Variants in PIK3C3 observed in about 807,000 individuals in gnomAD.
PIK3C3 encodes the protein PI3-kinase type 3.
In PIK3C3, 95 loss-of-function variants were observed where a neutral mutation model predicts 126.1. That is an observed-to-expected ratio of 0.75 (90% CI 0.64 to 0.89). The LOEUF (loss-of-function observed/expected upper bound fraction) is 0.89. Ranked by LOEUF, PIK3C3 falls within the 40% of genes least tolerant of loss-of-function variation. The probability of loss-of-function intolerance (pLI) is 0.00; values close to 1 mark genes in which losing one functional copy is unlikely to be tolerated. For missense variants in PIK3C3, 829 were observed against 1,063.2 expected, an observed-to-expected ratio of 0.78 and a Z score of 3.06; for synonymous variants, 374 against 360.0, an observed-to-expected ratio of 1.04 and a Z score of -0.44.
At chr18:42,031,909 C>T (rs913852728) in intron 15 of PIK3C3, among the ~76,000 whole-genome samples, 2 of 152,154 alleles carry the variant, frequency 1.3e-5, no homozygotes, top group African/African-American at 4.8e-5. Context: ...ATATAAAAAT[C>T]TCTTCCTCTA....
At position 41,990,594 on chromosome 18, in the gene PIK3C3, G is replaced by A. The variant is rs1440878096; in HGVS notation, c.714+40G>A. 3.8e-6 allele frequency: 4 copies of A among 1,049,002 alleles called. No individual in the cohort carries two copies. The African/African-American group carries it at 4.8e-5, about 13-fold the overall frequency. 65.0% of individuals were successfully genotyped at this position (1,049,002 alleles called of 1,614,324 possible). A position where few individuals can be genotyped will look rare whatever the true frequency, so the allele number is the denominator to read the frequency against. Reference sequence around the variant, plus strand: ...ACTGTTTTTGGTCTCTAAAGTAGAGGGGAGAGGAAACATTAAAAAAATATT... The same window carrying A: ...ACTGTTTTTGGTCTCTAAAGTAGAGAGGAGAGGAAACATTAAAAAAATATT... On this transcript the variant is annotated intron_variant, in intron 6 of 24. Transcript: ENST00000262039.
intron 24 of PIK3C3, among the ~76,000 whole-genome samples, chr18:42,078,827 A>G (rs1425525200): frequency 2.0e-5 from 3 of 152,088 alleles, no homozygotes; most frequent in South Asian, 4.2e-4. Context: ...TCATCAACCA[A>G]CCTCTGCTAC....
At chr18:42,004,276 C>A in intron 9 of PIK3C3, 80 bp from the exon 10 acceptor site, 2 of 1,029,296 alleles carry the variant, frequency 1.9e-6, no homozygotes, top group Non-Finnish European at 2.9e-6. Flanking sequence ...GTCATTAGGA[C>A]CTAGTGGAAC....
chr18:42,006,251 G>A (rs1982536026), intron 10 of PIK3C3, among the ~76,000 whole-genome samples: 1 of 148,298 alleles, frequency 6.7e-6, no homozygotes, highest in Non-Finnish European at 1.5e-5. Flanking sequence ...CTGAGCACAG[G>A]AGCTTCTGTC....
intron 6 of PIK3C3, among the ~76,000 whole-genome samples, chr18:41,992,706 A>G: frequency 6.6e-6 from 1 of 152,170 alleles, no homozygotes; most frequent in Non-Finnish European, 1.5e-5. Flanking sequence ...TTATTATTCA[A>G]GTTTAGATTA....
chr18:41,990,514 A>C lies in PIK3C3; in HGVS notation c.674A>C (p.Lys225Thr). The change falls in exon 6 of 25, where the codon AAG becomes ACG. Residue 225 changes from lysine to threonine, a missense_variant. Coordinates refer to ENST00000262039, the MANE Select transcript of PIK3C3 (RefSeq NM_002647.4). Reference protein sequence around the residue: ...MYLMVEFRCVKCDDKEYGIVY... With the variant: ...MYLMVEFRCVTCDDKEYGIVY... ...CTGATGGTTGAATTTCGATGTGTCA[A>C]GTGTGATGATAAGGAATATGGTATT... is the stretch of plus-strand genomic sequence containing the variant. 2 of 1,604,538 alleles carry C rather than the reference A, an allele frequency of 1.2e-6. No individual in the cohort carries two copies. The highest frequency in any genetic ancestry group is 1.1e-5 in the South Asian group (1 of 90,852).
At chr18:41,998,166 G>A (rs1329503984) in intron 9 of PIK3C3, among the ~76,000 whole-genome samples, 1 of 152,096 alleles carries the variant, frequency 6.6e-6, no homozygotes. Context: ...CTTTGTAAAT[G>A]AATCATATTT....
intron 3 of PIK3C3, among the ~76,000 whole-genome samples, chr18:41,966,680 A>T (rs984437461): frequency 6.6e-6 from 1 of 152,212 alleles, no homozygotes; most frequent in Admixed American, 6.5e-5. Flanking sequence ...AATACAAATG[A>T]TATGAAATTC....
intron 3 of PIK3C3, among the ~76,000 whole-genome samples, chr18:41,964,077 C>T (rs1018864565): frequency 9.9e-5 from 15 of 151,930 alleles, no homozygotes; most frequent in African/African-American, 3.6e-4. Flanking sequence ...AAAATGGTTT[C>T]TTCTGTTGTG....
chr18:42,041,603 AG>A (rs1299373791), intron 19 of PIK3C3, among the ~76,000 whole-genome samples: 16 of 150,376 alleles, frequency 1.1e-4, no homozygotes, highest in Admixed American at 4.0e-4. Context: ...AAAAAAAAAA[AG>A]GTATGTAATT....
chr18:41,994,523 A>G (rs1226125480), intron 7 of PIK3C3, among the ~76,000 whole-genome samples: 1 of 152,144 alleles, frequency 6.6e-6, no homozygotes, highest in Non-Finnish European at 1.5e-5. Context: ...TGTGGTAGTG[A>G]CACACATGTG....
Position 42,082,375 on chromosome 18 carries a change from A to C in PIK3C3, c.*1238A>C, listed in dbSNP as rs2144546260. 1 of 152,304 alleles carries C rather than the reference A, an allele frequency of 6.6e-6. No homozygotes were observed. Among genetic ancestry groups the C allele is most frequent in the East Asian group, 1.9e-4 (1 of 5,182 alleles). The allele number at this position is 152,304 out of a possible 1,614,324, so 9.4% of individuals were successfully genotyped here. A position where few individuals can be genotyped will look rare whatever the true frequency, so the allele number is the denominator to read the frequency against. On this transcript the variant is annotated 3_prime_UTR_variant, in exon 25 of 25. Coordinates refer to ENST00000262039, the MANE Select transcript of PIK3C3 (RefSeq NM_002647.4). ...TCTTCAGAGTGGGGTTACCGGCGAG[A>C]GGGCAAGCATGTAATTAAGAGACAC...
intron 24 of PIK3C3, among the ~76,000 whole-genome samples, chr18:42,076,165 C>T (rs867868404): frequency 0.049 from 5,087 of 103,508 alleles, 715 homozygotes; most frequent in African/African-American, 0.21. Context: ...TATATATGCA[C>T]ATATATATAT....
At chr18:42,062,333 T>C (rs952924844) in intron 22 of PIK3C3, among the ~76,000 whole-genome samples, 2 of 151,700 alleles carry the variant, frequency 1.3e-5, no homozygotes, top group Non-Finnish European at 2.9e-5. Flanking sequence ...TCTATTTCCA[T>C]AGAGAAGGGC....
intron 18 of PIK3C3, among the ~76,000 whole-genome samples, chr18:42,039,683 A>G (rs752488619): frequency 3.9e-5 from 6 of 152,216 alleles, no homozygotes; most frequent in Non-Finnish European, 8.8e-5. Flanking sequence ...CCTTGAAAAC[A>G]TGGCTCAAAT....
At chr18:42,080,647 C>G (rs1202830681) in intron 24 of PIK3C3, among the ~76,000 whole-genome samples, 4 of 152,208 alleles carry the variant, frequency 2.6e-5, no homozygotes, top group Non-Finnish European at 4.4e-5. Flanking sequence ...CAGCTCTTCA[C>G]TAGGCCTCTC....
chr18:42,000,916 A>G (rs538788783), intron 9 of PIK3C3, among the ~76,000 whole-genome samples: 53 of 152,304 alleles, frequency 3.5e-4, no homozygotes, highest in Admixed American at 1.2e-3. Context: ...GGGTGGGGAC[A>G]CAGCCACACC....
At chr18:42,050,328 C>G (rs1216252368) in intron 21 of PIK3C3, 2 of 152,220 alleles carry the variant, frequency 1.3e-5, no homozygotes, top group Non-Finnish European at 2.9e-5. Flanking sequence ...TCTCAGTCCC[C>G]TTTGTCCTGA....
At chr18:42,021,288 C>T (rs1983309216) in intron 13 of PIK3C3, among the ~76,000 whole-genome samples, 1 of 152,106 alleles carries the variant, frequency 6.6e-6, no homozygotes, top group East Asian at 1.9e-4. Flanking sequence ...AAACAATGTC[C>T]TGAGTCACTT....
Sources: gnomAD v4.1 joint callset for allele counts (sites outside exome capture counted in the v4.1 genomes callset) on GRCh38, gnomAD v4.1.1 for gene constraint, MANE v1.5 for transcripts, NCBI Gene and HGNC (gene_info 2026-07-23, HGNC 2026-07-21) for gene names.